The following GLYATL1 variants were observed in gnomAD, a reference collection of about 807,000 sequenced individuals.
GLYATL1 encodes the protein glycine N-acyltransferase-like protein 1.
GLYATL1 carries 15 observed loss-of-function variants against 20.0 expected under a neutral mutation model. The observed-to-expected ratio is 0.75, with a 90% CI of 0.50 to 1.15. The LOEUF is 1.15. Among genes scored for constraint, GLYATL1 ranks in the 50% most tolerant of loss-of-function variants. The pLI is 0.00. For missense variants in GLYATL1, 380 were observed against 368.5 expected (o/e 1.03, Z -0.26); for synonymous variants, 151 against 131.5 (o/e 1.15, Z -1.01).
upstream of GLYATL1, among the ~76,000 whole-genome samples, chr11:58,922,816 A>T (rs1254259628): frequency 6.6e-6 from 1 of 152,196 alleles, no homozygotes; most frequent in Non-Finnish European, 1.5e-5. Context: ...AATTCTATTT[A>T]GCCATAAATC....
At chr11:58,913,395 A>C (rs2135099225), downstream of GLYATL1, among the ~76,000 whole-genome samples, 1 of 152,270 alleles carries the variant, frequency 6.6e-6, no homozygotes, top group Non-Finnish European at 1.5e-5. Flanking sequence ...AGGAGAAATG[A>C]CAAGTGGGTT....
At chr11:58,911,975 GT>G (rs553691523), downstream of GLYATL1, among the ~76,000 whole-genome samples, 4 of 151,674 alleles carry the variant, frequency 2.6e-5, no homozygotes, top group African/African-American at 7.2e-5. Flanking sequence ...ATTGATTTAA[GT>G]TTTTTTTTGT....
At chr11:58,932,284 A>G (rs1359129579) in intron 1 of GLYATL1, among the ~76,000 whole-genome samples, 1 of 152,122 alleles carries the variant, frequency 6.6e-6, no homozygotes, top group Non-Finnish European at 1.5e-5. Context: ...ACCAAGCTTC[A>G]AGCTTTGATG....
intron 1 of GLYATL1, among the ~76,000 whole-genome samples, chr11:58,919,751 T>C (rs773087465): frequency 1.2e-4 from 19 of 152,204 alleles, no homozygotes; most frequent in Non-Finnish European, 8.8e-5. Context: ...GGGGTTCGGG[T>C]AGGCCCCTGC....
At chr11:58,907,635 T>C (rs1039440180) in exon 2 of GLYATL1, 2 of 249,986 alleles carry the variant, frequency 8.0e-6, no homozygotes, top group Non-Finnish European at 1.6e-5. Flanking sequence ...CTGATGTTTC[T>C]AGTCATTGTG....
intron 1 of GLYATL1, among the ~76,000 whole-genome samples, chr11:58,922,067 G>A (rs1855321832): frequency 6.6e-6 from 1 of 152,164 alleles, no homozygotes; most frequent in Non-Finnish European, 1.5e-5. Context: ...TCTCTTGTTA[G>A]CTCTGTGGGT....
chr11:58,943,813 C>G lies in GLYATL1; in HGVS notation c.-43+147C>G. ...GGAACAGATTTGATCTTGGAATTAA[C>G]TGGCCTGGATCCAGTTAGAGGCCTC... On this transcript the variant is annotated intron_variant, in intron 2 of 6. Coordinates refer to ENST00000532726, the MANE Select transcript of GLYATL1 (RefSeq NM_001389712.2). 7.2e-6 allele frequency: 9 copies of G among 1,257,082 alleles called. No homozygotes were observed. In the South Asian group the frequency reaches 1.5e-4, roughly 21 times the overall value. 77.9% of individuals were successfully genotyped at this position (1,257,082 alleles called of 1,614,324 possible). A position where few individuals can be genotyped will look rare whatever the true frequency, so the allele number is the denominator to read the frequency against.
At position 58,933,435 on chromosome 11, in the gene GLYATL1, A is replaced by G. The variant is rs988838483; in HGVS notation, c.-212+5606A>G. On this transcript the variant is annotated intron_variant, in intron 1 of 7. Transcript: ENST00000317391. Reference sequence around the variant, plus strand: ...CCTCCAGGCTTATTCCTCTATTTATATAGATTAGATCCAATACTTCAGGCT... The same window carrying G: ...CCTCCAGGCTTATTCCTCTATTTATGTAGATTAGATCCAATACTTCAGGCT... 2.6e-5 allele frequency among the ~76,000 whole-genome samples: 4 copies of G among 152,250 alleles called. No individual in the cohort carries two copies. The South Asian group carries it at 8.3e-4, about 32-fold the overall frequency.
chr11:58,947,318 T>A, intron 3 of GLYATL1, 153 bp downstream of exon 3: 2 of 1,087,166 alleles, frequency 1.8e-6, no homozygotes, highest in South Asian at 3.4e-5. Context: ...TATCAAGAGC[T>A]GCTGCTTCTC....
chr11:58,933,248 T>C (rs1332000423), intron 1 of GLYATL1, among the ~76,000 whole-genome samples: 1 of 152,064 alleles, frequency 6.6e-6, no homozygotes, highest in Non-Finnish European at 1.5e-5. Flanking sequence ...AGATGAGAGG[T>C]CAGTGCTGCG....
At chr11:58,923,168 C>T (rs1855348266), upstream of GLYATL1, among the ~76,000 whole-genome samples, 1 of 152,228 alleles carries the variant, frequency 6.6e-6, no homozygotes, top group African/African-American at 2.4e-5. Context: ...CTCCATTTGT[C>T]AATCCCCAGG....
At chr11:58,921,342 A>G (rs1453485439) in intron 1 of GLYATL1, among the ~76,000 whole-genome samples, 1 of 152,068 alleles carries the variant, frequency 6.6e-6, no homozygotes, top group African/African-American at 2.4e-5. Flanking sequence ...TGTCTACCAT[A>G]AGGTCCATCA....
At chr11:58,944,296 A>T (rs997825989) in intron 2 of GLYATL1, among the ~76,000 whole-genome samples, 2 of 152,204 alleles carry the variant, frequency 1.3e-5, no homozygotes, top group Non-Finnish European at 2.9e-5. Flanking sequence ...TTCTTTTTGG[A>T]ATAATCTGCC....
chr11:58,909,533 T>C (rs1244716131), downstream of GLYATL1, among the ~76,000 whole-genome samples: 2 of 152,196 alleles, frequency 1.3e-5, no homozygotes, highest in African/African-American at 4.8e-5. Context: ...TTACGCATTC[T>C]GTATGTCTAA....
At chr11:58,919,950 G>C (rs1274452338) in intron 1 of GLYATL1, among the ~76,000 whole-genome samples, 1 of 152,132 alleles carries the variant, frequency 6.6e-6, no homozygotes, top group Non-Finnish European at 1.5e-5. Flanking sequence ...TCCCATCAAA[G>C]GTTTTCCACC....
chr11:58,908,060 A>G (rs538122717), exon 2 of GLYATL1: 3 of 152,434 alleles, frequency 2.0e-5, no homozygotes, highest in African/African-American at 7.2e-5. Flanking sequence ...CCAAGCTGAA[A>G]TCTCAAGGGT....
chr11:58,912,248 A>G (rs1855063554), downstream of GLYATL1, among the ~76,000 whole-genome samples: 1 of 152,224 alleles, frequency 6.6e-6, no homozygotes, highest in Non-Finnish European at 1.5e-5. Flanking sequence ...TACTCTCTCC[A>G]AGGCCAGGAG....
intron 1 of GLYATL1, among the ~76,000 whole-genome samples, chr11:58,929,732 C>A (rs1351253009): frequency 1.3e-5 from 2 of 152,184 alleles, no homozygotes; most frequent in Non-Finnish European, 2.9e-5. Context: ...ATGTGCAGAT[C>A]ACTACTCATC....
At chr11:58,905,668 G>C (rs769838826) in intron 1 of GLYATL1, 3 of 455,306 alleles carry the variant, frequency 6.6e-6, no homozygotes, top group Non-Finnish European at 1.3e-5. Flanking sequence ...CCTGGTACGC[G>C]GGAACTGGCT....
Sources: gnomAD v4.1 joint callset for allele counts (sites outside exome capture counted in the v4.1 genomes callset) on GRCh38, gnomAD v4.1.1 for gene constraint, MANE v1.5 for transcripts, NCBI Gene and HGNC (gene_info 2026-07-23, HGNC 2026-07-21) for gene names.